The following FNBP1 variants were observed in gnomAD, a reference collection of about 807,000 sequenced individuals.
FNBP1 encodes formin-binding protein 1.
Under a neutral mutation model 90.6 loss-of-function variants are expected in FNBP1, and 26 were observed. That is an observed-to-expected ratio of 0.29 (90% CI 0.21 to 0.40). The LOEUF (loss-of-function observed/expected upper bound fraction) is 0.40. Ranked by LOEUF, FNBP1 falls within the 10% of genes least tolerant of loss-of-function variation. The pLI, the probability that FNBP1 is intolerant of heterozygous loss-of-function variation, is 1.00. For synonymous variants in FNBP1, 260 were observed against 265.2 expected (o/e 0.98, Z 0.19); for missense variants, 635 against 768.0 (o/e 0.83, Z 2.05).
intron 6 of FNBP1, among the ~76,000 whole-genome samples, chr9:129,946,027 G>C (rs2045226855): frequency 1.3e-5 from 2 of 151,942 alleles, no homozygotes; most frequent in South Asian, 4.1e-4. Flanking sequence ...AAATTAGCCG[G>C]GTGTAGTGGC....
At chr9:130,027,460 T>C (rs1458266137) in intron 1 of FNBP1, among the ~76,000 whole-genome samples, 1 of 152,232 alleles carries the variant, frequency 6.6e-6, no homozygotes, top group South Asian at 2.1e-4. Flanking sequence ...AAAGGATACA[T>C]GGTAGCTTTG....
Position 130,043,098 on chromosome 9 carries a change from CCT to C in FNBP1, c.-125_-124del. 1 of 889,972 alleles carries C rather than the reference CCT, an allele frequency of 1.1e-6. No individual in the cohort carries two copies. The highest frequency in any genetic ancestry group is 3.4e-5 in the East Asian group (1 of 29,520). 55.1% of individuals were successfully genotyped at this position (889,972 alleles called of 1,614,324 possible). On this transcript the variant is annotated 5_prime_UTR_variant, in exon 1 of 17. Transcript: ENST00000446176. ...GGAAAGCCCGGAGTCCGCGCGGCCT[CCT>C]CCGGCTCGCAGCTCCTCGCCCGGGG...
At chr9:129,895,198 TG>T (rs1173393415) in intron 16 of FNBP1, 1 of 943,898 alleles carries the variant, frequency 1.1e-6, no homozygotes, top group African/African-American at 1.7e-5. Context: ...ATCATGTAGA[TG>T]GAACAGGGTA....
chr9:129,985,520 C>T (rs1233452763), intron 2 of FNBP1, among the ~76,000 whole-genome samples: 1 of 152,200 alleles, frequency 6.6e-6, no homozygotes, highest in African/African-American at 2.4e-5. Context: ...TAAACTGCCC[C>T]TATTAAATAT....
chr9:129,901,128 C>T (rs1263672558), intron 13 of FNBP1, among the ~76,000 whole-genome samples: 3 of 152,136 alleles, frequency 2.0e-5, no homozygotes, highest in African/African-American at 4.8e-5. Context: ...ACGAGAAGGC[C>T]GGGCGCGGTG....
intron 1 of FNBP1, among the ~76,000 whole-genome samples, chr9:130,035,631 A>G (rs1368314511): frequency 1.3e-5 from 2 of 152,212 alleles, no homozygotes; most frequent in African/African-American, 2.4e-5. Context: ...GGCAGTAATG[A>G]TAACAATCAT....
At chr9:129,933,963 A>T (rs556925244) in intron 6 of FNBP1, among the ~76,000 whole-genome samples, 1 of 152,324 alleles carries the variant, frequency 6.6e-6, no homozygotes, top group South Asian at 2.1e-4. Context: ...TGTTTAGCAA[A>T]TTGTTTATTT....
intron 1 of FNBP1, among the ~76,000 whole-genome samples, chr9:130,034,041 G>T (rs975215666): frequency 6.7e-6 from 1 of 149,564 alleles, no homozygotes; most frequent in Non-Finnish European, 1.5e-5. Context: ...AGTTAGACAG[G>T]CCAGCTGCGG....
At chr9:129,907,770 C>T (rs2038417089) in intron 12 of FNBP1, among the ~76,000 whole-genome samples, 1 of 152,140 alleles carries the variant, frequency 6.6e-6, no homozygotes, top group South Asian at 2.1e-4. Flanking sequence ...GCTCCATCAC[C>T]CAGGCTGGAG....
intron 2 of FNBP1, among the ~76,000 whole-genome samples, chr9:129,986,337 T>C (rs1248569826): frequency 2.6e-5 from 4 of 151,650 alleles, no homozygotes; most frequent in African/African-American, 9.7e-5. Flanking sequence ...TACTATGGGA[T>C]AAAATAAAAT....
At chr9:129,937,045 C>T (rs1206198059) in intron 6 of FNBP1, among the ~76,000 whole-genome samples, 4 of 152,050 alleles carry the variant, frequency 2.6e-5, no homozygotes, top group Admixed American at 2.6e-4. Flanking sequence ...TGGCACATGC[C>T]TGTAGTCCCA....
rs1351605228 is a variant in FNBP1 at position 130,041,610 on chromosome 9, A to G, written c.24+1342T>C. Reference sequence around the variant, plus strand: ...TTTATTTTCAAAATGGATACTTGTAAACATCAGCGGAAATTTTGTCATGAA... The same window carrying G: ...TTTATTTTCAAAATGGATACTTGTAGACATCAGCGGAAATTTTGTCATGAA... On this transcript the variant is annotated intron_variant, in intron 1 of 16. Coordinates refer to ENST00000446176, the MANE Select transcript of FNBP1 (RefSeq NM_015033.3). The surrounding 1 kb of genome is among the most constrained non-coding windows in gnomAD (Gnocchi z 4.3). Among the ~76,000 whole-genome samples the G allele has an allele frequency of 6.6e-6, 1 of 152,240 alleles. No homozygotes were observed. The highest frequency in any genetic ancestry group is 2.4e-5 in the African/African-American group (1 of 41,452).
intron 8 of FNBP1, among the ~76,000 whole-genome samples, chr9:129,926,277 C>T (rs2041898346): frequency 6.6e-6 from 1 of 152,096 alleles, no homozygotes; most frequent in Admixed American, 6.6e-5. Context: ...CAGCCAGCAG[C>T]ATAACTTTTA....
chr9:130,013,280 C>G (rs1049910379), intron 1 of FNBP1, among the ~76,000 whole-genome samples: 1 of 151,916 alleles, frequency 6.6e-6, no homozygotes, highest in Admixed American at 6.6e-5. Context: ...GTGCCTGGCT[C>G]CAACTGTTCT....
intron 6 of FNBP1, among the ~76,000 whole-genome samples, chr9:129,935,495 C>CT (rs1554795120): frequency 1.1e-5 from 1 of 90,722 alleles, no homozygotes; most frequent in African/African-American, 3.9e-5. Flanking sequence ...CTTTTCTTTT[C>CT]TTTTTCTATT....
chr9:129,979,212 T>A, intron 3 of FNBP1, 106 bp downstream of exon 3: 1 of 643,262 alleles, frequency 1.6e-6, no homozygotes, highest in East Asian at 2.6e-5. Flanking sequence ...TGACACAAAA[T>A]GAATGGGAAA....
intron 1 of FNBP1, among the ~76,000 whole-genome samples, chr9:130,032,497 T>C (rs1245233155): frequency 2.6e-5 from 4 of 152,144 alleles, no homozygotes; most frequent in Non-Finnish European, 5.9e-5. Flanking sequence ...ATTTTAAAAG[T>C]CAGTCATGGT....
chr9:129,990,257 C>G (rs2052916558), intron 2 of FNBP1, among the ~76,000 whole-genome samples: 2 of 151,938 alleles, frequency 1.3e-5, no homozygotes, highest in South Asian at 4.1e-4. Flanking sequence ...ATTTTCAAAA[C>G]TAAACAAGAA....
At chr9:129,938,853 G>A (rs754111433) in intron 6 of FNBP1, among the ~76,000 whole-genome samples, 34 of 152,132 alleles carry the variant, frequency 2.2e-4, no homozygotes, top group African/African-American at 5.6e-4. Context: ...AATTCAGCAC[G>A]AGCTTGGAGA....
Sources: allele counts gnomAD v4.1 joint callset (sites outside exome capture counted in the v4.1 genomes callset), GRCh38; gene constraint gnomAD v4.1.1; non-coding constraint Gnocchi (gnomAD v3.1); transcripts MANE v1.5; gene names NCBI Gene and HGNC (gene_info 2026-07-23, HGNC 2026-07-21).